BCL2: variants seen among roughly 807,000 people sequenced by gnomAD.
The protein encoded by BCL2 is apoptosis regulator Bcl-2.
A neutral mutation model predicts 14.2 loss-of-function variants in BCL2; 1 was observed. That is an observed-to-expected ratio of 0.07 (90% CI 0.02 to 0.33). The LOEUF (loss-of-function observed/expected upper bound fraction) is 0.33. BCL2 is among the 10% of genes least tolerant of loss of function. The pLI, the probability that BCL2 is intolerant of heterozygous loss-of-function variation, is 0.99. For synonymous variants in BCL2, 151 were observed against 137.2 expected (o/e 1.10, Z -0.70); for missense variants, 247 against 305.9 (o/e 0.81, Z 1.44).
intron 2 of BCL2, chr18:63,302,353 G>A: frequency 1.0e-6 from 1 of 984,774 alleles, no homozygotes; most frequent in Non-Finnish European, 1.2e-6. Context: ...GAAATAGTTG[G>A]TGGCTTGTTC....
chr18:63,127,351 G>A lies in BCL2; in HGVS notation c.*1274C>T. ...TCCTCACGTTCCCAGCCTTCACCAT[G>A]TCCTTCTGATAGGAAGGGCCCAGGG... On this transcript the variant is annotated 3_prime_UTR_variant, in exon 3 of 3. Coordinates refer to ENST00000333681, the MANE Select transcript of BCL2 (RefSeq NM_000633.3). 8.6e-6 allele frequency: 2 copies of A among 233,464 alleles called. No individual in the cohort carries two copies. The highest frequency in any genetic ancestry group is 1.7e-5 in the Non-Finnish European group (2 of 118,086). The allele number at this position is 233,464 out of a possible 1,614,324, so 14.5% of individuals were successfully genotyped here.
At chr18:63,203,033 C>T (rs1909742810) in intron 2 of BCL2, among the ~76,000 whole-genome samples, 1 of 152,214 alleles carries the variant, frequency 6.6e-6, no homozygotes, top group Admixed American at 6.5e-5. Context: ...GACCTGTCAG[C>T]ATCCAGGCTG....
intron 2 of BCL2, among the ~76,000 whole-genome samples, chr18:63,155,863 C>T (rs1914767524): frequency 6.6e-6 from 1 of 152,224 alleles, no homozygotes; most frequent in Non-Finnish European, 1.5e-5. Flanking sequence ...TCCTGGGGCC[C>T]TCACTCATGT....
At chr18:63,176,038 T>C (rs1915340996) in intron 2 of BCL2, among the ~76,000 whole-genome samples, 1 of 152,202 alleles carries the variant, frequency 6.6e-6, no homozygotes, top group Non-Finnish European at 1.5e-5. Context: ...ATCTAAAAAA[T>C]GATCTCAGCT....
At chr18:63,309,716 G>A (rs577912878) in intron 2 of BCL2, among the ~76,000 whole-genome samples, 4 of 152,206 alleles carry the variant, frequency 2.6e-5, no homozygotes, top group East Asian at 3.9e-4. Context: ...ACAGTTAAAC[G>A]CAGCCATCCT....
At chr18:63,316,325 A>C (rs1913495413) in intron 2 of BCL2, 1 of 152,214 alleles carries the variant, frequency 6.6e-6, no homozygotes, top group Non-Finnish European at 1.5e-5. Context: ...GTAGAAAGAA[A>C]ATTTGTAAGT....
rs191916191 is a variant in BCL2 at position 63,254,587 on chromosome 18, A to C, written c.585+63495T>G. Among the ~76,000 whole-genome samples, 8 of 151,938 alleles carry C rather than the reference A, an allele frequency of 5.3e-5. No individual in the cohort carries two copies. In the East Asian group the frequency reaches 1.4e-3, roughly 26 times the overall value. On this transcript the variant is annotated intron_variant, in intron 2 of 2. Coordinates refer to ENST00000333681, the MANE Select transcript of BCL2 (RefSeq NM_000633.3). ...AAAAATGGAATTCCTTCTTCTTCTG[A>C]TGAGTGCTTCTCATCATTGGGGTCA...
chr18:63,275,726 A>G (rs942731959), intron 2 of BCL2, among the ~76,000 whole-genome samples: 5 of 152,254 alleles, frequency 3.3e-5, no homozygotes, highest in Admixed American at 2.0e-4. Context: ...TTCCAGTTAC[A>G]GGAAAGGCAT....
chr18:63,186,968 T>C (rs1336693704), intron 2 of BCL2, among the ~76,000 whole-genome samples: 1 of 152,258 alleles, frequency 6.6e-6, no homozygotes, highest in Non-Finnish European at 1.5e-5. Flanking sequence ...TTTTCTTTTG[T>C]CTTCTTTTCA....
At chr18:63,279,486 T>A in intron 2 of BCL2, among the ~76,000 whole-genome samples, 1 of 152,242 alleles carries the variant, frequency 6.6e-6, no homozygotes, top group East Asian at 1.9e-4. Context: ...CCTGTGAACA[T>A]GCCAGAATGG....
intron 2 of BCL2, among the ~76,000 whole-genome samples, chr18:63,253,286 T>A (rs1336827934): frequency 6.6e-6 from 1 of 152,130 alleles, no homozygotes; most frequent in Non-Finnish European, 1.5e-5. Context: ...AGGCAGACCA[T>A]CTCCAGTCCA....
At chr18:63,270,421 G>A (rs1320571959) in intron 2 of BCL2, among the ~76,000 whole-genome samples, 3 of 152,050 alleles carry the variant, frequency 2.0e-5, no homozygotes, top group African/African-American at 4.8e-5. Context: ...TTAACCTACC[G>A]ATAGGCAGTA....
intron 2 of BCL2, among the ~76,000 whole-genome samples, chr18:63,144,553 A>G (rs560247556): frequency 3.9e-5 from 6 of 152,224 alleles, no homozygotes; most frequent in African/African-American, 1.4e-4. Context: ...CGGAGCAATA[A>G]ATATGAGAGG....
At position 63,173,725 on chromosome 18, in the gene BCL2, T is replaced by C. The variant is rs759131628; in HGVS notation, c.586-44966A>G. 2.0e-4 allele frequency among the ~76,000 whole-genome samples: 30 copies of C among 152,340 alleles called. 1 individual carries two copies. Among genetic ancestry groups the C allele is most frequent in the Middle Eastern group, 6.8e-3 (2 of 294 alleles). On this transcript the variant is annotated intron_variant, in intron 2 of 2. Transcript: ENST00000333681. ...CCATGCAATATTTTTTCTGTTATTA[T>C]AGATCAAATGCTATTACTATGAACT...
At chr18:63,309,841 CTTTAT>C (rs1382735849) in intron 2 of BCL2, among the ~76,000 whole-genome samples, 4 of 152,100 alleles carry the variant, frequency 2.6e-5, no homozygotes, top group Admixed American at 6.5e-5. Flanking sequence ...CTCCTATATA[CTTTAT>C]TTTATTTATT....
chr18:63,179,439 T>C (rs1451487940), intron 2 of BCL2, among the ~76,000 whole-genome samples: 1 of 152,096 alleles, frequency 6.6e-6, no homozygotes, highest in Admixed American at 6.5e-5. Context: ...TCTCATCTCA[T>C]CCCAAATATT....
At chr18:63,251,517 C>T (rs1414374349) in intron 2 of BCL2, among the ~76,000 whole-genome samples, 3 of 150,806 alleles carry the variant, frequency 2.0e-5, no homozygotes, top group East Asian at 2.0e-4. Context: ...TGGTGGCGGG[C>T]GCCTGTAGTC....
intron 2 of BCL2, among the ~76,000 whole-genome samples, chr18:63,307,056 T>C (rs1913163940): frequency 6.6e-6 from 1 of 152,162 alleles, no homozygotes; most frequent in Non-Finnish European, 1.5e-5. Flanking sequence ...AATGAATAAC[T>C]GATCTCTTGT....
chr18:63,159,897 G>T (rs1198160984), intron 2 of BCL2, among the ~76,000 whole-genome samples: 1 of 152,178 alleles, frequency 6.6e-6, no homozygotes, highest in African/African-American at 2.4e-5. Context: ...TGGCCAACTC[G>T]AATCGTTTTC....
Sources: allele counts gnomAD v4.1 joint callset (sites outside exome capture counted in the v4.1 genomes callset), GRCh38; gene constraint gnomAD v4.1.1; transcripts MANE v1.5; gene names NCBI Gene and HGNC (gene_info 2026-07-23, HGNC 2026-07-21).